Variants in SLC24A2 observed in about 807,000 individuals in gnomAD.
SLC24A2 encodes the protein sodium/potassium/calcium exchanger 2.
A neutral mutation model predicts 62.0 loss-of-function variants in SLC24A2; 36 were observed. That is an observed-to-expected ratio of 0.58 (90% CI 0.44 to 0.77). SLC24A2 has a LOEUF of 0.77. SLC24A2 is among the 30% of genes least tolerant of loss of function. The probability of loss-of-function intolerance (pLI) is 0.00; values close to 1 mark genes in which losing one functional copy is unlikely to be tolerated. For missense variants in SLC24A2, 846 were observed against 817.9 expected (o/e 1.03, Z -0.42); for synonymous variants, 358 against 294.0 (o/e 1.22, Z -2.23).
intron 8 of SLC24A2, among the ~76,000 whole-genome samples, chr9:19,546,672 G>T (rs1343867617): frequency 1.3e-5 from 2 of 151,992 alleles, no homozygotes; most frequent in Non-Finnish European, 2.9e-5. Flanking sequence ...CCTGCCTTCG[G>T]CCCCTTTTCC....
the SLC24A2 span, among the ~76,000 whole-genome samples, chr9:20,084,239 T>C: frequency 6.6e-6 from 1 of 152,328 alleles, no homozygotes; most frequent in East Asian, 1.9e-4. Flanking sequence ...TACACAATCA[T>C]GTTGTTAAAA....
the SLC24A2 span, among the ~76,000 whole-genome samples, chr9:19,956,908 T>C: frequency 1.3e-5 from 2 of 152,174 alleles, no homozygotes; most frequent in African/African-American, 4.8e-5. Flanking sequence ...AGCAAAAAGA[T>C]AGCTGTCTAT....
At chr9:19,959,603 A>C in the SLC24A2 span, among the ~76,000 whole-genome samples, 1 of 152,232 alleles carries the variant, frequency 6.6e-6, no homozygotes, top group Admixed American at 6.5e-5. Flanking sequence ...TGAATAAATG[A>C]ACTGAAAGAA....
the SLC24A2 span, among the ~76,000 whole-genome samples, chr9:20,156,942 T>A: frequency 6.6e-6 from 1 of 151,836 alleles, no homozygotes. Context: ...TTGTAATTGG[T>A]TTTCCAATTA....
chr9:19,642,155 G>A (rs1366179383), intron 2 of SLC24A2, among the ~76,000 whole-genome samples: 2 of 152,058 alleles, frequency 1.3e-5, no homozygotes, highest in Admixed American at 6.6e-5. Flanking sequence ...GAGAGAGCTG[G>A]AATATGCCTG....
chr9:20,208,707 C>T, the SLC24A2 span, among the ~76,000 whole-genome samples: 4 of 152,256 alleles, frequency 2.6e-5, no homozygotes, highest in Admixed American at 6.5e-5. Flanking sequence ...GTTTCCAGAA[C>T]GAGTAGATAG....
At position 19,510,461 on chromosome 9, in the gene SLC24A2, GT is replaced by G. The variant is rs752601623; in HGVS notation, c.*5691del. 2.4e-4 allele frequency: 20 copies of G among 82,534 alleles called. No individual in the cohort carries two copies. Among genetic ancestry groups the G allele is most frequent in the Non-Finnish European group, 3.3e-4 (13 of 38,900 alleles). 5.1% of individuals were successfully genotyped at this position (82,534 alleles called of 1,614,324 possible). ...AAAAAAAAAAAAAAAAAAAAAAAAAGTTAAGTCATTAAGTGGATGGGTTTGG... is the reference window on the plus strand; with the variant it reads ...AAAAAAAAAAAAAAAAAAAAAAAAAGTAAGTCATTAAGTGGATGGGTTTGG... On this transcript the variant is annotated 3_prime_UTR_variant, in exon 11 of 11. Transcript: ENST00000341998.
At chr9:19,731,516 C>CTCTCTCTCTCCGTGT (rs72153360) in intron 2 of SLC24A2, among the ~76,000 whole-genome samples, 10 of 113,710 alleles carry the variant, frequency 8.8e-5, no homozygotes, top group African/African-American at 2.6e-4. Context: ...TCTCTCTCTC[C>CTCTCTCTCTCCGTGT]GTGTGTGTGT....
intron 2 of SLC24A2, among the ~76,000 whole-genome samples, chr9:19,730,885 T>C (rs1312416505): frequency 6.6e-6 from 1 of 152,110 alleles, no homozygotes. Flanking sequence ...TTAGGTTTTT[T>C]TTTTTACCTT....
At chr9:20,285,612 T>C in the SLC24A2 span, among the ~76,000 whole-genome samples, 2 of 152,206 alleles carry the variant, frequency 1.3e-5, no homozygotes, top group Non-Finnish European at 2.9e-5. Flanking sequence ...GCTGCTTTAC[T>C]CCATCTACCA....
the SLC24A2 span, among the ~76,000 whole-genome samples, chr9:20,133,221 C>T: frequency 6.6e-6 from 1 of 152,000 alleles, no homozygotes; most frequent in African/African-American, 2.4e-5. Flanking sequence ...ATCATACATG[C>T]ATGCATGCAC....
At chr9:20,157,995 T>G in the SLC24A2 span, among the ~76,000 whole-genome samples, 1 of 151,752 alleles carries the variant, frequency 6.6e-6, no homozygotes, top group African/African-American at 2.4e-5. Flanking sequence ...CAGTTGAAAC[T>G]TCTCTCCCAA....
chr9:20,287,354 G>A, the SLC24A2 span, among the ~76,000 whole-genome samples: 2 of 152,174 alleles, frequency 1.3e-5, no homozygotes, highest in Non-Finnish European at 2.9e-5. Flanking sequence ...GGGAGGCTGC[G>A]GGAGGGTCAT....
At chr9:20,123,183 T>C in the SLC24A2 span, among the ~76,000 whole-genome samples, 1 of 152,136 alleles carries the variant, frequency 6.6e-6, no homozygotes, top group Admixed American at 6.6e-5. Flanking sequence ...CTTCTAGCTG[T>C]GTCCTCACAT....
chr9:20,164,674 C>T, the SLC24A2 span, among the ~76,000 whole-genome samples: 3 of 151,858 alleles, frequency 2.0e-5, no homozygotes, highest in Non-Finnish European at 2.9e-5. Flanking sequence ...GCTATAAAGA[C>T]ACATGCACAC....
the SLC24A2 span, among the ~76,000 whole-genome samples, chr9:19,836,497 C>T: frequency 2.0e-5 from 3 of 152,220 alleles, no homozygotes; most frequent in Admixed American, 6.5e-5. Context: ...ATAAATTCCT[C>T]AACACATACA....
At chr9:19,873,491 CTCTT>C in the SLC24A2 span, among the ~76,000 whole-genome samples, 306 of 123,704 alleles carry the variant, frequency 2.5e-3, 1 homozygote, top group Middle Eastern at 0.011. Context: ...TTCCTTCCTT[CTCTT>C]TCTTTCTTTC....
the SLC24A2 span, among the ~76,000 whole-genome samples, chr9:19,810,956 ATTC>A: frequency 0.016 from 2,477 of 151,480 alleles, 80 homozygotes; most frequent in East Asian, 0.15. Flanking sequence ...TGAAAATAAA[ATTC>A]TTCTTCTTAT....
At chr9:20,128,638 G>A in the SLC24A2 span, among the ~76,000 whole-genome samples, 2 of 151,996 alleles carry the variant, frequency 1.3e-5, no homozygotes, top group African/African-American at 4.8e-5. Flanking sequence ...GCAGAATTAA[G>A]AATCCAGAAA....
Sources: gnomAD v4.1 joint callset for allele counts (sites outside exome capture counted in the v4.1 genomes callset) on GRCh38, gnomAD v4.1.1 for gene constraint, MANE v1.5 for transcripts, NCBI Gene and HGNC (gene_info 2026-07-23, HGNC 2026-07-21) for gene names.